Variants in TRRAP observed in about 807,000 individuals in gnomAD.
TRRAP encodes transformation/transcription domain-associated protein.
A neutral mutation model predicts 438.8 loss-of-function variants in TRRAP; 41 were observed. That is an observed-to-expected ratio of 0.09 (90% CI 0.07 to 0.12). The LOEUF is 0.12. Among genes scored for constraint, TRRAP ranks in the 10% least tolerant of loss-of-function variants. The pLI is 1.00. For missense variants in TRRAP, 3,122 were observed against 5,055.1 expected (o/e 0.62, Z 11.60); for synonymous variants, 1,994 against 1,962.9 (o/e 1.02, Z -0.42).
At position 99,011,034 on chromosome 7, in the gene TRRAP, C is replaced by T. The variant is rs761713208; in HGVS notation, c.10939-18C>T. Reference sequence around the variant, plus strand: ...ATCAGTGAGTGAGATGGGAGTGTCACGGAGCGCTGTGTTTCAGGTCCTCCG... The same window carrying T: ...ATCAGTGAGTGAGATGGGAGTGTCATGGAGCGCTGTGTTTCAGGTCCTCCG... On this transcript the variant is annotated intron_variant, in intron 70 of 72. Transcript: ENST00000456197. This position sits in a 1 kb window ranked among gnomAD's most constrained non-coding sequence, Gnocchi z 7.1. 1.3e-5 allele frequency: 21 copies of T among 1,605,904 alleles called. No individual in the cohort carries two copies. Among genetic ancestry groups the T allele is most frequent in the South Asian group, 1.2e-4 (11 of 90,766 alleles).
intron 62 of TRRAP, among the ~76,000 whole-genome samples, chr7:98,987,412 T>G (rs190417641): frequency 3.6e-4 from 55 of 152,358 alleles, no homozygotes; most frequent in Admixed American, 2.6e-4. Context: ...TTTTTAGTTT[T>G]TAGTGTACAA....
chr7:98,996,259 G>A (rs760809066), intron 67 of TRRAP, among the ~76,000 whole-genome samples: 1 of 152,182 alleles, frequency 6.6e-6, no homozygotes, highest in Non-Finnish European at 1.5e-5. Flanking sequence ...ACCGCGGTGC[G>A]CACAGGCACA....
rs1554406521 is a variant in TRRAP at position 98,900,627 on chromosome 7, A to G, written c.804A>G (p.Gln268=). ...TTTTTGTTCTCTTCTTATTCAGGCA[A>G]CATAAGCTTTACAACAAGGAGTTGT... ...IAIQVSAQAR[Q]HKLYNKELYA... is the part of the protein sequence containing the mutation. Residue 268 remains glutamine, a synonymous_variant, in exon 11 of 73, where the codon CAA becomes CAG. Coordinates refer to ENST00000456197, the MANE Select transcript of TRRAP (RefSeq NM_001375524.1). 1.2e-6 allele frequency: 2 copies of G among 1,609,924 alleles called. No homozygotes were observed. The highest frequency in any genetic ancestry group is 2.2e-5 in the East Asian group (1 of 44,834).
At chr7:98,905,685 G>A (rs534194688) in intron 12 of TRRAP, among the ~76,000 whole-genome samples, 31 of 152,358 alleles carry the variant, frequency 2.0e-4, no homozygotes, top group African/African-American at 5.0e-4. Context: ...ATGCAGAACC[G>A]TAACCTGGGA....
At chr7:98,905,758 G>A (rs1796696966) in intron 12 of TRRAP, among the ~76,000 whole-genome samples, 1 of 152,280 alleles carries the variant, frequency 6.6e-6, no homozygotes, top group African/African-American at 2.4e-5. Context: ...GAGAAACATC[G>A]TTAGGTCTTC....
chr7:98,955,917 T>C (rs1202484771), intron 41 of TRRAP, among the ~76,000 whole-genome samples: 1 of 151,536 alleles, frequency 6.6e-6, no homozygotes, highest in Non-Finnish European at 1.5e-5. Flanking sequence ...TGTAATGGGA[T>C]GTAATGGGAT....
At chr7:98,970,851 C>T (rs551355773) in intron 52 of TRRAP, among the ~76,000 whole-genome samples, 20 of 152,300 alleles carry the variant, frequency 1.3e-4, no homozygotes, top group Middle Eastern at 3.4e-3. Flanking sequence ...TGCCTAGTCC[C>T]GGGACGGGCA....
intron 67 of TRRAP, among the ~76,000 whole-genome samples, chr7:99,000,863 C>T (rs1298303234): frequency 6.6e-6 from 1 of 152,240 alleles, no homozygotes; most frequent in Non-Finnish European, 1.5e-5. Context: ...TGGCCCGGCC[C>T]CCTTCTCTGC....
chr7:98,978,370 ACCAGGG>A (rs1436383424), intron 57 of TRRAP, 47 bp downstream of exon 57: 1 of 1,517,080 alleles, frequency 6.6e-7, no homozygotes, highest in Admixed American at 1.9e-5. Flanking sequence ...AGTTAAGGGA[ACCAGGG>A]AAAAATCTCT....
chr7:98,888,341 A>T (rs1795804994), intron 3 of TRRAP, among the ~76,000 whole-genome samples: 1 of 151,792 alleles, frequency 6.6e-6, no homozygotes, highest in Admixed American at 6.6e-5. Context: ...ATTCAAGACC[A>T]GCCTGACCAA....
intron 68 of TRRAP, among the ~76,000 whole-genome samples, 162 bp from the exon 69 acceptor site, chr7:99,004,969 A>C (rs760196696): frequency 2.0e-4 from 30 of 152,092 alleles, no homozygotes; most frequent in Admixed American, 5.2e-4. Flanking sequence ...TGACTCATTT[A>C]CACCGCATCA....
intron 28 of TRRAP, among the ~76,000 whole-genome samples, chr7:98,936,240 C>T (rs1790550349): frequency 6.6e-6 from 1 of 152,152 alleles, no homozygotes; most frequent in Non-Finnish European, 1.5e-5. Context: ...GATTTTTATG[C>T]TCTTAATAAC....
At chr7:98,920,705 G>A (rs1024936939) in intron 20 of TRRAP, among the ~76,000 whole-genome samples, 73 of 152,270 alleles carry the variant, frequency 4.8e-4, no homozygotes, top group African/African-American at 1.7e-3. Context: ...TGTAAGATTT[G>A]AAGTGTATGA....
chr7:99,008,681 ATT>A, intron 70 of TRRAP, 120 bp downstream of exon 70: 1 of 1,088,818 alleles, frequency 9.2e-7, no homozygotes, highest in Non-Finnish European at 1.3e-6. Flanking sequence ...CACCTCTGTC[ATT>A]TAAAGTAACT....
Position 98,988,890 on chromosome 7 carries a change from G to T in TRRAP, c.9515G>T (p.Gly3172Val). 6.2e-7 allele frequency: 1 copy of T among 1,614,196 alleles called. No individual in the cohort carries two copies. The highest frequency in any genetic ancestry group is 8.5e-7 in the Non-Finnish European group (1 of 1,180,038). ...GTGAAGGAGCGGCAGCTGCACCTGG[G>T]CGTGTCTGCCATCACCTGCTACCTG... ...IFVKERQLHL[G>V]VSAITCYLHA... Residue 3172 changes from glycine to valine, a missense_variant, in exon 63 of 73, where the codon GGC becomes GTC. By Grantham distance (109) the Gly-to-Val change is moderately radical. This residue lies in a region of TRRAP where 23 missense variants were observed against 18.2 expected (regional missense o/e 1.27). Coordinates refer to ENST00000456197, the MANE Select transcript of TRRAP (RefSeq NM_001375524.1).
chr7:98,899,277 T>A (rs1562931243), intron 8 of TRRAP, 145 bp from the exon 9 acceptor site: 1 of 683,484 alleles, frequency 1.5e-6, no homozygotes, highest in Non-Finnish European at 2.6e-6. Context: ...TTCATCAGTT[T>A]GGATCTTTCA....
At chr7:98,899,391 A>C in intron 8 of TRRAP, 31 bp from the exon 9 acceptor site, 51 of 1,578,930 alleles carry the variant, frequency 3.2e-5, no homozygotes, top group African/African-American at 5.4e-5. Context: ...CCACAATGGT[A>C]ACCCGGGTCC....
chr7:98,907,661 GTC>G (rs1191912070), intron 13 of TRRAP, among the ~76,000 whole-genome samples: 1 of 152,200 alleles, frequency 6.6e-6, no homozygotes, highest in Non-Finnish European at 1.5e-5. Flanking sequence ...TAGCATTTGA[GTC>G]TCTGCGTGAT....
intron 3 of TRRAP, among the ~76,000 whole-genome samples, chr7:98,884,177 C>T (rs10260884): frequency 0.14 from 22,033 of 152,224 alleles, 5,185 homozygotes; most frequent in African/African-American, 0.49. Flanking sequence ...GCTGGCTAGG[C>T]TTGAAATCCA....
Sources: gnomAD v4.1 joint callset for allele counts (sites outside exome capture counted in the v4.1 genomes callset) on GRCh38, gnomAD v4.1.1 for gene constraint, gnomAD v4.1.1 regional missense constraint, Gnocchi (gnomAD v3.1) non-coding constraint, MANE v1.5 for transcripts, NCBI Gene and HGNC (gene_info 2026-07-23, HGNC 2026-07-21) for gene names.